Variants in SLC16A4 observed in about 807,000 individuals in gnomAD.
SLC16A4 encodes the protein probable monocarboxylate transporter 5.
A neutral mutation model predicts 47.9 loss-of-function variants in SLC16A4; 39 were observed. The ratio of observed to expected loss-of-function variants is 0.81; its 90% CI spans 0.63 to 1.06. The LOEUF (loss-of-function observed/expected upper bound fraction) is 1.06, where lower values mean the gene tolerates loss of function less well. Ranked by LOEUF, SLC16A4 falls within the 50% of genes least tolerant of loss-of-function variation. The pLI, the probability that SLC16A4 is intolerant of heterozygous loss-of-function variation, is 0.00. For missense variants in SLC16A4, 524 were observed against 573.8 expected (o/e 0.91, Z 0.89); for synonymous variants, 189 against 199.9 (o/e 0.95, Z 0.46).
intron 2 of SLC16A4, among the ~76,000 whole-genome samples, chr1:110,383,292 G>A (rs1662526853): frequency 6.6e-6 from 1 of 152,194 alleles, no homozygotes; most frequent in African/African-American, 2.4e-5. Context: ...GATTTATCAA[G>A]ACAGGAATTG....
At chr1:110,367,226 G>A (rs1661443608) in intron 8 of SLC16A4, among the ~76,000 whole-genome samples, 1 of 152,244 alleles carries the variant, frequency 6.6e-6, no homozygotes, top group Admixed American at 6.5e-5. Flanking sequence ...AGGCACAGTG[G>A]CTCATGCCTG....
chr1:110,368,399 A>C (rs1661508271), intron 8 of SLC16A4, among the ~76,000 whole-genome samples: 1 of 152,202 alleles, frequency 6.6e-6, no homozygotes, highest in Admixed American at 6.5e-5. Flanking sequence ...ATGCAGAATT[A>C]TTAAGCTGAA....
intron 8 of SLC16A4, among the ~76,000 whole-genome samples, chr1:110,367,837 T>A (rs527760217): frequency 6.6e-6 from 1 of 152,034 alleles, no homozygotes; most frequent in African/African-American, 2.4e-5. Flanking sequence ...AAGTAAATTT[T>A]TGTTTTTTTT....
At chr1:110,372,993 T>C (rs951316206) in intron 8 of SLC16A4, 14 of 152,282 alleles carry the variant, frequency 9.2e-5, no homozygotes, top group South Asian at 2.1e-4. Context: ...TAAAGTGATA[T>C]ACTCTTTTTT....
chr1:110,375,636 T>TA, intron 7 of SLC16A4, 85 bp from the exon 8 acceptor site: 1 of 752,684 alleles, frequency 1.3e-6, no homozygotes, highest in Non-Finnish European at 2.3e-6. Flanking sequence ...ATACTATTTA[T>TA]ATCATCTCAA....
chr1:110,382,367 G>T (rs1662450123), intron 3 of SLC16A4, among the ~76,000 whole-genome samples: 1 of 152,098 alleles, frequency 6.6e-6, no homozygotes, highest in Non-Finnish European at 1.5e-5. Flanking sequence ...GCTGAAGCAG[G>T]AGAGTTGCTT....
At chr1:110,368,568 A>G (rs1339717232) in intron 8 of SLC16A4, among the ~76,000 whole-genome samples, 3 of 152,214 alleles carry the variant, frequency 2.0e-5, no homozygotes, top group Non-Finnish European at 4.4e-5. Flanking sequence ...TTATTTAACA[A>G]TAATAATTAT....
Position 110,382,837 on chromosome 1 carries a change from C to T in SLC16A4, c.217G>A (p.Ala73Thr). The change falls in exon 3 of 9, where the codon GCA (alanine) becomes ACA (threonine). Residue 73 changes from alanine to threonine, a missense_variant. Ala to Thr is a moderately conservative substitution (Grantham distance 58). Coordinates refer to ENST00000369779, the MANE Select transcript of SLC16A4 (RefSeq NM_004696.3). ...GSIMSSLRFC[A>T]GPLVAIICDI... ...AAGCTTATTGCCAGCTTTATACCTG[C>T]ACAAAAACGAAGAGATGACATGATG... 1 of 1,599,338 alleles carries T rather than the reference C, an allele frequency of 6.3e-7. No individual in the cohort carries two copies. Among genetic ancestry groups the T allele is most frequent in the Non-Finnish European group, 8.5e-7 (1 of 1,170,462 alleles).
At chr1:110,385,105 G>A (rs372017534) in intron 2 of SLC16A4, among the ~76,000 whole-genome samples, 5 of 152,150 alleles carry the variant, frequency 3.3e-5, no homozygotes, top group African/African-American at 1.2e-4. Context: ...TACTCATCTC[G>A]CTTGATATCT....
intron 5 of SLC16A4, among the ~76,000 whole-genome samples, chr1:110,380,366 C>A (rs1662305045): frequency 6.6e-6 from 1 of 152,130 alleles, no homozygotes; most frequent in Non-Finnish European, 1.5e-5. Context: ...TGAATACACA[C>A]ATATACATGT....
At chr1:110,368,872 G>A (rs1382569142) in intron 8 of SLC16A4, among the ~76,000 whole-genome samples, 1 of 151,918 alleles carries the variant, frequency 6.6e-6, no homozygotes, top group African/African-American at 2.4e-5. Flanking sequence ...GTTTCAAAAG[G>A]AATTTAGCAT....
chr1:110,389,130 A>T, intron 2 of SLC16A4, 107 bp downstream of exon 2: 1 of 997,332 alleles, frequency 1.0e-6, no homozygotes, highest in Non-Finnish European at 1.6e-6. Flanking sequence ...CCCTCCACTC[A>T]GATGCCAAAG....
chr1:110,370,421 A>C (rs1214196566), intron 8 of SLC16A4: 1 of 152,160 alleles, frequency 6.6e-6, no homozygotes, highest in Non-Finnish European at 1.5e-5. Flanking sequence ...AGGATTGGTA[A>C]TAGTGGAGCG....
chr1:110,366,481 T>C (rs189203344), intron 8 of SLC16A4, among the ~76,000 whole-genome samples: 16 of 152,332 alleles, frequency 1.1e-4, no homozygotes, highest in Admixed American at 9.2e-4. Flanking sequence ...TATTAAAATA[T>C]AGTCATGTGG....
At position 110,382,928 on chromosome 1, in the gene SLC16A4, T is replaced by C; in HGVS notation, c.126A>G (p.Ala42=). The C allele has an allele frequency of 6.2e-7, 1 of 1,612,238 alleles. No individual in the cohort carries two copies. Among genetic ancestry groups the C allele is most frequent in the Non-Finnish European group, 8.5e-7 (1 of 1,178,734 alleles). The change falls in exon 3 of 9, where the codon GCA becomes GCG. Residue 42 remains alanine (A), a synonymous_variant. Coordinates refer to ENST00000369779, the MANE Select transcript of SLC16A4 (RefSeq NM_004696.3). ...VFVMGMTKTF[A]IFFVVFQEEF... ...CTTCTTGAAAGACCACAAAGAAAAT[T>C]GCAAAAGTCTTGGTCATCCCCATCA...
rs1662205673 is a variant in SLC16A4, at chr1:110,379,173, A to G, written c.710T>C (p.Ile237Thr). Residue 237 changes from isoleucine (I) to threonine (T), a missense_variant, in exon 6 of 9, where the codon ATC becomes ACC. Coordinates refer to ENST00000369779, the MANE Select transcript of SLC16A4 (RefSeq NM_004696.3). ...THCHETEEST[I>T]KDSTTQKAGL... is the part of the protein sequence containing the mutation. Reference sequence around the variant, plus strand: ...AGCCTTCTGCGTAGTACTGTCCTTGATGGTAGACTCTTCTGTCTCATGGCA... The same window carrying G: ...AGCCTTCTGCGTAGTACTGTCCTTGGTGGTAGACTCTTCTGTCTCATGGCA... The G allele has an allele frequency of 6.2e-7, 1 of 1,614,060 alleles. No homozygotes were observed. The highest frequency in any genetic ancestry group is 1.7e-5 in the Admixed American group (1 of 60,006).
At chr1:110,377,958 T>C (rs186773424) in intron 6 of SLC16A4, among the ~76,000 whole-genome samples, 99 of 152,232 alleles carry the variant, frequency 6.5e-4, no homozygotes, top group African/African-American at 2.2e-3. Context: ...GCCTCCTGAA[T>C]AGCTGCTACT....
intron 6 of SLC16A4, among the ~76,000 whole-genome samples, chr1:110,378,377 A>C (rs1662133635): frequency 6.6e-6 from 1 of 152,216 alleles, no homozygotes; most frequent in South Asian, 2.1e-4. Context: ...ATTACAGATG[A>C]GGAAATGAAG....
At position 110,377,242 on chromosome 1, in the gene SLC16A4, A is replaced by G. The variant is rs555547931; in HGVS notation, c.1031-81T>C. 29 of 1,172,360 alleles carry G rather than the reference A, an allele frequency of 2.5e-5. No homozygotes were observed. In the East Asian group the frequency reaches 6.1e-4, roughly 25 times the overall value. The allele number at this position is 1,172,360 out of a possible 1,614,324, so 72.6% of individuals were successfully genotyped here. A position where few individuals can be genotyped will look rare whatever the true frequency, so the allele number is the denominator to read the frequency against. ...CATACAGCATCATTTCCCAAGTAATATGATCTCATCCTGAGGCCAGGATAT... is the reference window on the plus strand; with the variant it reads ...CATACAGCATCATTTCCCAAGTAATGTGATCTCATCCTGAGGCCAGGATAT... On this transcript the variant is annotated intron_variant, in intron 6 of 8. Transcript: ENST00000369779.
Sources: gnomAD v4.1 joint callset for allele counts (sites outside exome capture counted in the v4.1 genomes callset) on GRCh38, gnomAD v4.1.1 for gene constraint, MANE v1.5 for transcripts, NCBI Gene and HGNC (gene_info 2026-07-23, HGNC 2026-07-21) for gene names.